Variants in SHISA9 observed in about 807,000 individuals in gnomAD.
SHISA9 encodes shisa family member 9.
In SHISA9, 13 loss-of-function variants were observed where a neutral mutation model predicts 38.0. That is an observed-to-expected ratio of 0.34 (90% CI 0.22 to 0.54). The LOEUF (loss-of-function observed/expected upper bound fraction) is 0.54. Ranked by LOEUF, SHISA9 falls within the 20% of genes least tolerant of loss-of-function variation. The probability of loss-of-function intolerance (pLI) is 0.91; values close to 1 mark genes in which losing one functional copy is unlikely to be tolerated. For synonymous variants in SHISA9, 275 were observed against 242.0 expected (o/e 1.14, Z -1.27); for missense variants, 538 against 575.8 (o/e 0.93, Z 0.67).
chr16:13,091,607 T>C (rs1444359377), intron 2 of SHISA9, among the ~76,000 whole-genome samples: 1 of 152,238 alleles, frequency 6.6e-6, no homozygotes, highest in Non-Finnish European at 1.5e-5. Flanking sequence ...CTGAAGCTTG[T>C]GCATGTGTCA....
rs2050444210 is a variant in SHISA9, at chr16:13,146,010, A to G, written c.692-57384A>G. Among the ~76,000 whole-genome samples, 4 of 152,352 alleles carry G rather than the reference A, an allele frequency of 2.6e-5. No homozygotes were observed. The South Asian group carries it at 8.3e-4, about 32-fold the overall frequency. ...TGAGACCAACCTGGCCAACATGGCA[A>G]AACCCTGTCTTTACTAAAGATACAA... On this transcript the variant is annotated intron_variant, in intron 2 of 4. Transcript: ENST00000558583.
the SHISA9 span, among the ~76,000 whole-genome samples, chr16:13,413,042 G>A: frequency 2.0e-5 from 3 of 152,230 alleles, no homozygotes; most frequent in Admixed American, 2.0e-4. Flanking sequence ...AGTACTCTAA[G>A]TGAACAGAAA....
chr16:13,279,373 T>C, the SHISA9 span, among the ~76,000 whole-genome samples: 1 of 152,014 alleles, frequency 6.6e-6, no homozygotes, highest in Non-Finnish European at 1.5e-5. Context: ...CTGTGGTTGA[T>C]GGAGGAAATG....
chr16:13,358,650 A>G, the SHISA9 span, among the ~76,000 whole-genome samples: 1 of 152,210 alleles, frequency 6.6e-6, no homozygotes, highest in African/African-American at 2.4e-5. Context: ...TACATTCAGC[A>G]TAATTGTAAG....
the SHISA9 span, among the ~76,000 whole-genome samples, chr16:13,388,983 A>G: frequency 6.6e-6 from 1 of 152,148 alleles, no homozygotes. Flanking sequence ...TAGAGTTCCC[A>G]TATACCCTCT....
chr16:13,202,655 A>G (rs1204538286), intron 2 of SHISA9, among the ~76,000 whole-genome samples: 1 of 152,268 alleles, frequency 6.6e-6, no homozygotes, highest in South Asian at 2.1e-4. Flanking sequence ...ATATTCCATC[A>G]TATGTGTACA....
rs556218307 is a variant in SHISA9 at position 12,909,787 on chromosome 16, G to T, written c.564-6901G>T. 7.6e-4 allele frequency: 123 copies of T among 162,352 alleles called. 1 individual carries two copies. The highest frequency in any genetic ancestry group is 2.9e-3 in the African/African-American group (120 of 41,742). 10.1% of individuals were successfully genotyped at this position (162,352 alleles called of 1,614,324 possible). A position where few individuals can be genotyped will look rare whatever the true frequency, so the allele number is the denominator to read the frequency against. ...CTAAAATTAACTTGCTAGTTTACTG[G>T]TTTACTAGTTTATTATCTGTCTCCT... On this transcript the variant is annotated intron_variant, in intron 1 of 4. Transcript: ENST00000558583.
chr16:13,152,786 C>T (rs568280136), intron 2 of SHISA9, among the ~76,000 whole-genome samples: 29 of 152,178 alleles, frequency 1.9e-4, no homozygotes, highest in African/African-American at 6.7e-4. Flanking sequence ...GAATAATGGG[C>T]CCCCAAAGAG....
the SHISA9 span, among the ~76,000 whole-genome samples, chr16:13,489,332 G>T: frequency 2.6e-5 from 4 of 152,206 alleles, no homozygotes; most frequent in Non-Finnish European, 5.9e-5. Context: ...TTACAGGTAT[G>T]AGCCACTGTG....
the SHISA9 span, among the ~76,000 whole-genome samples, chr16:13,245,543 T>G: frequency 6.6e-6 from 1 of 152,252 alleles, no homozygotes; most frequent in South Asian, 2.1e-4. Context: ...CATTAGCTTT[T>G]GTTATGAGAA....
chr16:13,393,457 C>T, the SHISA9 span, among the ~76,000 whole-genome samples: 1 of 152,196 alleles, frequency 6.6e-6, no homozygotes, highest in African/African-American at 2.4e-5. Context: ...CCACTGATGT[C>T]ACCCCCTTCT....
chr16:13,400,926 C>A, the SHISA9 span, among the ~76,000 whole-genome samples: 1 of 152,162 alleles, frequency 6.6e-6, no homozygotes, highest in Non-Finnish European at 1.5e-5. Flanking sequence ...TGAACCCTGG[C>A]ATTATGAATG....
chr16:13,242,970 G>A (rs2051445906), downstream of SHISA9, among the ~76,000 whole-genome samples: 1 of 152,196 alleles, frequency 6.6e-6, no homozygotes, highest in South Asian at 2.1e-4. Flanking sequence ...GCCAGGCACG[G>A]TGGCTCATGC....
At chr16:12,908,401 C>T in intron 1 of SHISA9, 1 of 1,533,946 alleles carries the variant, frequency 6.5e-7, no homozygotes, top group Non-Finnish European at 8.8e-7. Flanking sequence ...GTTGAAAAAT[C>T]CTTGTTGGTT....
the SHISA9 span, among the ~76,000 whole-genome samples, chr16:13,429,597 T>C: frequency 6.6e-6 from 1 of 152,202 alleles, no homozygotes; most frequent in African/African-American, 2.4e-5. Context: ...TAACTAATTA[T>C]ATCTGCAAAG....
chr16:12,916,697 G>T lies in SHISA9; in HGVS notation c.573G>T (p.Ala191=), dbSNP rs568505352. 1 of 1,550,146 alleles carries T rather than the reference G, an allele frequency of 6.5e-7. No individual in the cohort carries two copies. Among genetic ancestry groups the T allele is most frequent in the Non-Finnish European group, 8.7e-7 (1 of 1,146,534 alleles). The part of the protein sequence containing the change: ...PQREHMSRAL[A]DVMRPQGHCN... ...TTCTTTCTTCTTTCAGGGCCCTTGC[G>T]GATGTCATGAGACCACAGGGCCACT... Residue 191 remains alanine (A), a synonymous_variant, in exon 2 of 5, where the codon GCG becomes GCT. Transcript: ENST00000558583.
At chr16:13,010,644 G>A (rs1310953121) in intron 2 of SHISA9, among the ~76,000 whole-genome samples, 4 of 152,098 alleles carry the variant, frequency 2.6e-5, no homozygotes, top group African/African-American at 9.7e-5. Context: ...TGAGTATCTG[G>A]CTTTTGAAAA....
chr16:13,307,263 C>G, the SHISA9 span, among the ~76,000 whole-genome samples: 1 of 152,206 alleles, frequency 6.6e-6, no homozygotes, highest in Non-Finnish European at 1.5e-5. Context: ...TGGCACATGG[C>G]AATCATTATT....
At chr16:13,191,205 G>A (rs187511264) in intron 2 of SHISA9, among the ~76,000 whole-genome samples, 1 of 152,220 alleles carries the variant, frequency 6.6e-6, no homozygotes, top group Admixed American at 6.5e-5. Context: ...CCAGAGCTCT[G>A]TTCTGATTTC....
Sources: allele counts gnomAD v4.1 joint callset (sites outside exome capture counted in the v4.1 genomes callset), GRCh38; gene constraint gnomAD v4.1.1; transcripts MANE v1.5; gene names NCBI Gene and HGNC (gene_info 2026-07-23, HGNC 2026-07-21).